The following RAP1GDS1 variants were observed in gnomAD, a reference collection of about 807,000 sequenced individuals.
The protein encoded by RAP1GDS1 is Rap1 GTPase-GDP dissociation stimulator 1, also known as RAP1, GTP-GDP dissociation stimulator 1.
A neutral mutation model predicts 71.1 loss-of-function variants in RAP1GDS1; 35 were observed. The ratio of observed to expected loss-of-function variants is 0.49; its 90% CI spans 0.38 to 0.65. The LOEUF is 0.65. Among genes scored for constraint, RAP1GDS1 ranks in the 30% least tolerant of loss-of-function variants. RAP1GDS1 has a pLI of 0.00. For missense variants in RAP1GDS1, 663 were observed against 706.1 expected (o/e 0.94, Z 0.69); for synonymous variants, 229 against 243.1 (o/e 0.94, Z 0.54).
chr4:98,282,038 G>A (rs1038516401), intron 1 of RAP1GDS1, among the ~76,000 whole-genome samples: 1 of 152,124 alleles, frequency 6.6e-6, no homozygotes, highest in African/African-American at 2.4e-5. Flanking sequence ...TGTTTGCATC[G>A]ATGTTCATCA....
intron 1 of RAP1GDS1, among the ~76,000 whole-genome samples, chr4:98,268,664 A>G (rs1346169992): frequency 6.6e-6 from 1 of 152,132 alleles, no homozygotes; most frequent in East Asian, 1.9e-4. Context: ...AAGCATTTCT[A>G]TACACTAACA....
At chr4:98,417,943 CA>C (rs1030062532) in intron 9 of RAP1GDS1, among the ~76,000 whole-genome samples, 13 of 152,136 alleles carry the variant, frequency 8.5e-5, no homozygotes, top group African/African-American at 2.4e-4. Context: ...AATAATGTTT[CA>C]GGGGGCGCCA....
chr4:98,272,153 CAA>C (rs2110233094), intron 1 of RAP1GDS1, among the ~76,000 whole-genome samples: 1 of 152,272 alleles, frequency 6.6e-6, no homozygotes, highest in Non-Finnish European at 1.5e-5. Flanking sequence ...GAGGCGGAAT[CAA>C]AGATACTACA....
chr4:98,311,613 T>C (rs1730232177), intron 2 of RAP1GDS1, among the ~76,000 whole-genome samples: 2 of 152,168 alleles, frequency 1.3e-5, no homozygotes, highest in African/African-American at 4.8e-5. Context: ...AAGAAATATA[T>C]ATGTATATTT....
chr4:98,279,272 A>G (rs17495387), intron 1 of RAP1GDS1, among the ~76,000 whole-genome samples: 9,359 of 152,010 alleles, frequency 0.062, 404 homozygotes, highest in Non-Finnish European at 0.093. Flanking sequence ...GGGCCACTAT[A>G]TTTTTTCTAA....
At chr4:98,325,129 C>T (rs1732774415) in intron 2 of RAP1GDS1, among the ~76,000 whole-genome samples, 1 of 151,856 alleles carries the variant, frequency 6.6e-6, no homozygotes, top group African/African-American at 2.4e-5. Context: ...ACAGACACTT[C>T]TCAAAAGAAG....
chr4:98,376,517 C>T (rs1486034293), intron 4 of RAP1GDS1, among the ~76,000 whole-genome samples: 2 of 151,948 alleles, frequency 1.3e-5, no homozygotes, highest in African/African-American at 4.8e-5. Flanking sequence ...CTAAAGATGA[C>T]TTATGTCACT....
chr4:98,411,780 C>G (rs1263693535), intron 7 of RAP1GDS1, among the ~76,000 whole-genome samples: 1 of 152,126 alleles, frequency 6.6e-6, no homozygotes, highest in Non-Finnish European at 1.5e-5. Flanking sequence ...CCTTCATTTT[C>G]CCAGTACACG....
chr4:98,311,153 G>T (rs892029280), intron 2 of RAP1GDS1, among the ~76,000 whole-genome samples: 9 of 152,154 alleles, frequency 5.9e-5, no homozygotes, highest in Non-Finnish European at 1.2e-4. Context: ...AATGTAGACA[G>T]TATCTTTTCA....
At chr4:98,277,687 A>C (rs981474968) in intron 1 of RAP1GDS1, among the ~76,000 whole-genome samples, 1 of 152,142 alleles carries the variant, frequency 6.6e-6, no homozygotes, top group Non-Finnish European at 1.5e-5. Context: ...ATGTAGTTCT[A>C]TTCACTCAGT....
chr4:98,335,043 G>A (rs545529125), intron 2 of RAP1GDS1, among the ~76,000 whole-genome samples: 2 of 151,810 alleles, frequency 1.3e-5, no homozygotes, highest in East Asian at 1.9e-4. Flanking sequence ...GATTTTCCTC[G>A]ATATACTTGG....
chr4:98,352,493 T>C lies in RAP1GDS1; in HGVS notation c.253T>C (p.Cys85Arg), dbSNP rs1219691112. 6.2e-7 allele frequency: 1 copy of C among 1,613,756 alleles called. No homozygotes were observed. Among genetic ancestry groups the C allele is most frequent in the Non-Finnish European group, 8.5e-7 (1 of 1,179,744 alleles). ...ATTTTCAGAGTTTATGCGAATTCCA[T>C]GTGTGGATGCTGGATTGATTTCACC... ...VAKNEFMRIP[C>R]VDAGLISPLV... Residue 85 changes from cysteine to arginine, a missense_variant, in exon 4 of 15, where the codon TGT (cysteine) becomes CGT (arginine). Physicochemically the swap from Cys to Arg is radical, Grantham distance 180 (BLOSUM62 -3). Coordinates refer to ENST00000408927, the MANE Select transcript of RAP1GDS1 (RefSeq NM_001100427.2).
At chr4:98,263,174 T>C (rs1206103486) in intron 1 of RAP1GDS1, among the ~76,000 whole-genome samples, 2 of 152,170 alleles carry the variant, frequency 1.3e-5, no homozygotes, top group Non-Finnish European at 2.9e-5. Context: ...TGAACATACA[T>C]ACACAGATAA....
At chr4:98,325,770 G>T (rs796924196) in intron 2 of RAP1GDS1, among the ~76,000 whole-genome samples, 6 of 121,694 alleles carry the variant, frequency 4.9e-5, no homozygotes, top group African/African-American at 6.2e-5. Context: ...TGGGGACTGT[G>T]GTGGGGTGGG....
At chr4:98,294,884 G>A (rs1578335632) in intron 2 of RAP1GDS1, among the ~76,000 whole-genome samples, 1 of 152,066 alleles carries the variant, frequency 6.6e-6, no homozygotes, top group Non-Finnish European at 1.5e-5. Flanking sequence ...AGTAAATTGA[G>A]TATCTCAGGT....
chr4:98,403,185 T>G (rs568205060), intron 6 of RAP1GDS1, among the ~76,000 whole-genome samples: 18 of 152,164 alleles, frequency 1.2e-4, no homozygotes, highest in African/African-American at 3.1e-4. Context: ...GAAGGAGAGA[T>G]AATGATAAAG....
intron 6 of RAP1GDS1, among the ~76,000 whole-genome samples, chr4:98,393,784 A>AAAAT (rs1359453362): frequency 1.3e-5 from 2 of 152,234 alleles, no homozygotes; most frequent in African/African-American, 4.8e-5. Flanking sequence ...CTATATATGA[A>AAAAT]AAATATAAAA....
At chr4:98,371,206 G>A (rs566117804) in intron 4 of RAP1GDS1, among the ~76,000 whole-genome samples, 16 of 149,410 alleles carry the variant, frequency 1.1e-4, no homozygotes, top group African/African-American at 2.5e-4. Flanking sequence ...TTCATCTCCC[G>A]GGTTCAAGTG....
chr4:98,405,401 G>A (rs2110156423), intron 7 of RAP1GDS1, among the ~76,000 whole-genome samples: 1 of 152,064 alleles, frequency 6.6e-6, no homozygotes, highest in Admixed American at 6.6e-5. Flanking sequence ...AAAACGGGTT[G>A]GAAAGAAATC....
Sources: gnomAD v4.1 joint callset for allele counts (sites outside exome capture counted in the v4.1 genomes callset) on GRCh38, gnomAD v4.1.1 for gene constraint, MANE v1.5 for transcripts, NCBI Gene and HGNC (gene_info 2026-07-23, HGNC 2026-07-21) for gene names.